GTPBP2: variants seen among roughly 807,000 people sequenced by gnomAD.
GTPBP2 encodes GTP binding protein 2.
A neutral mutation model predicts 63.0 loss-of-function variants in GTPBP2; 32 were observed. That is an observed-to-expected ratio of 0.51 (90% confidence interval 0.38 to 0.68). GTPBP2 has a LOEUF of 0.68. Among genes scored for constraint, GTPBP2 ranks in the 30% least tolerant of loss-of-function variants. The pLI is 0.00. For synonymous variants in GTPBP2, 310 were observed against 322.6 expected (o/e 0.96, Z 0.42); for missense variants, 492 against 796.9 (o/e 0.62, Z 4.61).
intron 11 of GTPBP2, 34 bp from the exon 12 acceptor site, chr6:43,621,824 T>G: frequency 3.1e-6 from 5 of 1,612,862 alleles, no homozygotes; most frequent in Non-Finnish European, 3.4e-6. Flanking sequence ...CCCTGGCCAG[T>G]GCCTTCTGTC....
chr6:43,630,220 G>C (rs1177470689), upstream of GTPBP2, among the ~76,000 whole-genome samples: 1 of 152,332 alleles, frequency 6.6e-6, no homozygotes, highest in Admixed American at 6.5e-5. Flanking sequence ...GCAATCTCCA[G>C]CTCTTTAGTG....
Position 43,622,138 on chromosome 6 carries a change from A to G in GTPBP2, c.1497T>C (p.Asn499=). ...KGMVMVSPEM[N]PTICSVFEAE... ...CCTCAAACACCGAGCAGATGGTAGGATTCATCTCCGGGCTCACCATCACCA... is the reference window on the plus strand; with the variant it reads ...CCTCAAACACCGAGCAGATGGTAGGGTTCATCTCCGGGCTCACCATCACCA... The change falls in exon 11 of 12, where the codon AAT becomes AAC. Residue 499 remains asparagine, a synonymous_variant. Transcript: ENST00000307126. This position sits in a 1 kb window ranked among gnomAD's most constrained non-coding sequence, Gnocchi z 5.4. 1 of 1,613,428 alleles carries G rather than the reference A, an allele frequency of 6.2e-7. No homozygotes were observed. Among genetic ancestry groups the G allele is most frequent in the Non-Finnish European group, 8.5e-7 (1 of 1,179,416 alleles).
chr6:43,628,558 T>C, intron 1 of GTPBP2: 12 of 983,910 alleles, frequency 1.2e-5, no homozygotes, highest in Non-Finnish European at 1.3e-5. Flanking sequence ...GTGTGGAACA[T>C]ATTGCTCTTT....
chr6:43,624,037 A>T lies in GTPBP2; in HGVS notation c.1132T>A (p.Ser378Thr). The change falls in exon 8 of 12, where the codon TCT becomes ACT. Residue 378 changes from serine to threonine, a missense_variant. This residue lies in a region of GTPBP2 where 400 missense variants were observed against 710.8 expected (regional missense o/e 0.56). Transcript: ENST00000307126. This position sits in a 1 kb window ranked among gnomAD's most constrained non-coding sequence, Gnocchi z 5.1. Reference sequence around the variant, plus strand: ...TTGAGGAGGTCCAGACTCTCTCCAGACACACTGGACAATGTGAAGATGGGG... The same window carrying T: ...TTGAGGAGGTCCAGACTCTCTCCAGTCACACTGGACAATGTGAAGATGGGG... Reference protein sequence around the residue: ...VTPIFTLSSVSGESLDLLKVF... With the variant: ...VTPIFTLSSVTGESLDLLKVF... The T allele has an allele frequency of 6.2e-7, 1 of 1,613,220 alleles. No individual in the cohort carries two copies. The highest frequency in any genetic ancestry group is 1.7e-5 in the Admixed American group (1 of 60,008).
chr6:43,627,343 G>A (rs1053577867), intron 1 of GTPBP2: 77 of 1,011,690 alleles, frequency 7.6e-5, no homozygotes, highest in East Asian at 9.6e-5. Flanking sequence ...TTTGTCACTG[G>A]TCTAGGAAAC....
rs1333823445 is a variant in GTPBP2 at position 43,625,960 on chromosome 6, C to G, written c.399-96G>C. On this transcript the variant is annotated intron_variant, in intron 3 of 11. Coordinates refer to ENST00000307126, the MANE Select transcript of GTPBP2 (RefSeq NM_019096.5). The surrounding 1 kb of genome is among the most constrained non-coding windows in gnomAD (Gnocchi z 5.1). ...CAGACTTCCTGCACCTCCCACAGAG[C>G]TCCCAATACCTTAGTGCACTTCCTA... 1 of 920,458 alleles carries G rather than the reference C, an allele frequency of 1.1e-6. No individual in the cohort carries two copies. Among genetic ancestry groups the G allele is most frequent in the South Asian group, 1.3e-5 (1 of 75,294 alleles). The allele number at this position is 920,458 out of a possible 1,614,324, so 57.0% of individuals were successfully genotyped here. A position where few individuals can be genotyped will look rare whatever the true frequency, so the allele number is the denominator to read the frequency against.
At position 43,622,203 on chromosome 6, in the gene GTPBP2, G is replaced by A; in HGVS notation, c.1468-36C>T. 1 of 1,585,250 alleles carries A rather than the reference G, an allele frequency of 6.3e-7. No individual in the cohort carries two copies. The highest frequency in any genetic ancestry group is 8.6e-7 in the Non-Finnish European group (1 of 1,159,108). On this transcript the variant is annotated intron_variant, in intron 10 of 11. Coordinates refer to ENST00000307126, the MANE Select transcript of GTPBP2 (RefSeq NM_019096.5). The surrounding 1 kb of genome is among the most constrained non-coding windows in gnomAD (Gnocchi z 5.4). ...ACAGACCCCAGGCCCAGGAAGGGCA[G>A]CTCTAACATCAGACTCTCCCTCCCC...
upstream of GTPBP2, among the ~76,000 whole-genome samples, chr6:43,630,148 G>T (rs940470955): frequency 3.3e-5 from 5 of 152,242 alleles, no homozygotes; most frequent in Middle Eastern, 3.2e-3. Context: ...CGGGGCAGTG[G>T]CCGGGAATAG....
At chr6:43,630,036 G>A (rs978556199), upstream of GTPBP2, among the ~76,000 whole-genome samples, 3 of 152,200 alleles carry the variant, frequency 2.0e-5, no homozygotes, top group African/African-American at 7.2e-5. Context: ...AGAACCAATC[G>A]GGAAGAACTG....
Position 43,625,635 on chromosome 6 carries a change from C to A in GTPBP2, c.508-75G>T. 1 of 1,431,984 alleles carries A rather than the reference C, an allele frequency of 7.0e-7. No homozygotes were observed. Among genetic ancestry groups the A allele is most frequent in the South Asian group, 1.1e-5 (1 of 87,114 alleles). The allele number at this position is 1,431,984 out of a possible 1,614,324, so 88.7% of individuals were successfully genotyped here. ...CTGAAGACTGGGTCAAGGGCAGTGACGCTCCCTAGGGAGCAAGTGATGAAC... is the reference window on the plus strand; with the variant it reads ...CTGAAGACTGGGTCAAGGGCAGTGAAGCTCCCTAGGGAGCAAGTGATGAAC... On this transcript the variant is annotated intron_variant, in intron 4 of 11. Coordinates refer to ENST00000307126, the MANE Select transcript of GTPBP2 (RefSeq NM_019096.5). This position sits in a 1 kb window ranked among gnomAD's most constrained non-coding sequence, Gnocchi z 5.1.
chr6:43,626,173 A>C lies in GTPBP2; in HGVS notation c.398+53T>G. On this transcript the variant is annotated intron_variant, in intron 3 of 11. Transcript: ENST00000307126. This position sits in a 1 kb window ranked among gnomAD's most constrained non-coding sequence, Gnocchi z 4.0. ...TCAGGCCCTAGGTAACTGGGTATGC[A>C]TGGGTCCCCCCAAGTCAGGTAAAGG... 1 of 1,544,240 alleles carries C rather than the reference A, an allele frequency of 6.5e-7. No individual in the cohort carries two copies. Among genetic ancestry groups the C allele is most frequent in the Non-Finnish European group, 8.9e-7 (1 of 1,122,966 alleles).
chr6:43,629,512 T>A (rs1769758497), upstream of GTPBP2: 3 of 611,740 alleles, frequency 4.9e-6, no homozygotes, highest in South Asian at 3.9e-5. Flanking sequence ...CTTCCAGTCC[T>A]CGCGCTATGT....
In GTPBP2 at chr6:43,621,542, G is replaced by T. The variant is rs758257569; in HGVS notation, c.*72C>A. 1.2e-6 allele frequency: 2 copies of T among 1,610,460 alleles called. No homozygotes were observed. The highest frequency in any genetic ancestry group is 1.7e-6 in the Non-Finnish European group (2 of 1,178,462). ...CTATTAACACACAGAGCCGCCAATG[G>T]CAGGGCAGCATGGCCAGAAGTCACC... On this transcript the variant is annotated 3_prime_UTR_variant, in exon 12 of 12. Coordinates refer to ENST00000307126, the MANE Select transcript of GTPBP2 (RefSeq NM_019096.5).
At chr6:43,627,708 G>C (rs1769486378) in intron 1 of GTPBP2, among the ~76,000 whole-genome samples, 1 of 152,124 alleles carries the variant, frequency 6.6e-6, no homozygotes, top group Non-Finnish European at 1.5e-5. Context: ...AAGGGATATG[G>C]GATTTGCCTG....
At chr6:43,623,001 A>C in intron 9 of GTPBP2, 197 bp from the exon 10 acceptor site, 1 of 575,096 alleles carries the variant, frequency 1.7e-6, no homozygotes. Flanking sequence ...AAAGGCCAGC[A>C]GTGATGGTGG....
Position 43,628,982 on chromosome 6 carries a change from G to A in GTPBP2, c.181C>T (p.Pro61Ser). 1 of 1,613,758 alleles carries A rather than the reference G, an allele frequency of 6.2e-7. No homozygotes were observed. Among genetic ancestry groups the A allele is most frequent in the Non-Finnish European group, 8.5e-7 (1 of 1,179,748 alleles). ...ACCACTTCTCAGGTGCTCACCTCGGGGGGCAAATACGGGGGGTTGTTGGCT... is the reference window on the plus strand; with the variant it reads ...ACCACTTCTCAGGTGCTCACCTCGGAGGGCAAATACGGGGGGTTGTTGGCT... Reference protein sequence around the residue: ...GKANNPPYLPPEAEDGNIEYK... With the variant: ...GKANNPPYLPSEAEDGNIEYK... Residue 61 changes from proline (P) to serine (S), a missense_variant, in exon 1 of 12, where the codon CCC becomes TCC. Pro to Ser is a moderately conservative substitution (Grantham distance 74, BLOSUM62 -1). This residue lies in a region of GTPBP2 where 92 missense variants were observed against 86.1 expected (regional missense o/e 1.07). Coordinates refer to ENST00000307126, the MANE Select transcript of GTPBP2 (RefSeq NM_019096.5).
Position 43,629,034 on chromosome 6 carries a change from C to T in GTPBP2, c.129G>A (p.Lys43=), listed in dbSNP as rs752665189. 1.1e-5 allele frequency: 18 copies of T among 1,613,014 alleles called. No homozygotes were observed. The highest frequency in any genetic ancestry group is 1.7e-4 in the Middle Eastern group (1 of 6,058). ...TGCCCCCTCTGTTCCTTCCGTTCTT[C>T]TTCTTTCCCTTTGGCCCCCCGCAGC... ...SSGCGGPKGK[K]KNGRNRGGKA... Residue 43 remains lysine (K), a synonymous_variant, in exon 1 of 12, where the codon AAG becomes AAA. Transcript: ENST00000307126.
chr6:43,625,752 T>G lies in GTPBP2; in HGVS notation c.507+4A>C. On this transcript the variant is annotated splice_donor_region_variant and intron_variant, in intron 4 of 11. Transcript: ENST00000307126. The surrounding 1 kb of genome is among the most constrained non-coding windows in gnomAD (Gnocchi z 5.1). ...ATGAGAGACAGGGATGGGTGTGTGC[T>G]CACCTGTTGGTTGTCAGGGACCTTT... 1 of 1,600,064 alleles carries G rather than the reference T, an allele frequency of 6.2e-7. No individual in the cohort carries two copies. Among genetic ancestry groups the G allele is most frequent in the South Asian group, 1.1e-5 (1 of 90,834 alleles).
chr6:43,631,024 C>T (rs1322679468), upstream of GTPBP2, among the ~76,000 whole-genome samples: 1 of 152,064 alleles, frequency 6.6e-6, no homozygotes, highest in Non-Finnish European at 1.5e-5. Context: ...CTGGTGATCC[C>T]TTCAGGGGTT....
Sources: allele counts gnomAD v4.1 joint callset (sites outside exome capture counted in the v4.1 genomes callset), GRCh38; gene constraint gnomAD v4.1.1; regional missense constraint gnomAD v4.1.1; non-coding constraint Gnocchi (gnomAD v3.1); transcripts MANE v1.5; gene names NCBI Gene and HGNC (gene_info 2026-07-23, HGNC 2026-07-21).